The following NT5DC1 variants were observed in gnomAD, a reference collection of about 807,000 sequenced individuals.
The protein encoded by NT5DC1 is 5'-nucleotidase domain-containing protein 1.
A neutral mutation model predicts 59.4 loss-of-function variants in NT5DC1; 42 were observed. That is an observed-to-expected ratio of 0.71 (90% CI 0.55 to 0.92). NT5DC1 has a LOEUF of 0.92. NT5DC1 is among the 40% of genes least tolerant of loss of function. The pLI, the probability that NT5DC1 is intolerant of heterozygous loss-of-function variation, is 0.00. For missense variants in NT5DC1, 501 were observed against 537.1 expected (o/e 0.93, Z 0.66); for synonymous variants, 172 against 188.1 (o/e 0.91, Z 0.70).
intron 6 of NT5DC1, among the ~76,000 whole-genome samples, chr6:116,189,910 C>A (rs2114489753): frequency 6.6e-6 from 1 of 151,956 alleles, no homozygotes; most frequent in East Asian, 1.9e-4. Flanking sequence ...ATGTTTTTGC[C>A]TTTTAAGATT....
At chr6:116,104,301 GA>G (rs1274266139) in intron 1 of NT5DC1, among the ~76,000 whole-genome samples, 3 of 152,292 alleles carry the variant, frequency 2.0e-5, no homozygotes, top group Admixed American at 2.0e-4. Context: ...ACAAGGTAAG[GA>G]ACACAGCTGT....
At chr6:116,115,418 CTT>C (rs983627379) in intron 4 of NT5DC1, among the ~76,000 whole-genome samples, 2 of 152,172 alleles carry the variant, frequency 1.3e-5, no homozygotes, top group African/African-American at 4.8e-5. Context: ...TGCATATACT[CTT>C]TTTAGTTTTT....
chr6:116,179,448 A>G (rs926520945), intron 6 of NT5DC1, among the ~76,000 whole-genome samples: 1 of 152,152 alleles, frequency 6.6e-6, no homozygotes, highest in Admixed American at 6.6e-5. Context: ...AGCAGAAAAA[A>G]AACAATCCTA....
At chr6:116,199,024 A>G (rs73566419) in intron 6 of NT5DC1, among the ~76,000 whole-genome samples, 15,337 of 152,038 alleles carry the variant, frequency 0.1, 1,288 homozygotes, top group African/African-American at 0.23. Context: ...TCTGTGCATT[A>G]TATAATGTTT....
At chr6:116,191,216 C>T (rs1327072339) in intron 6 of NT5DC1, among the ~76,000 whole-genome samples, 1 of 152,038 alleles carries the variant, frequency 6.6e-6, no homozygotes, top group East Asian at 1.9e-4. Context: ...ACAACTCCTA[C>T]CCTTCCTTTG....
chr6:116,136,316 G>A (rs1356998365), intron 6 of NT5DC1, among the ~76,000 whole-genome samples: 1 of 151,950 alleles, frequency 6.6e-6, no homozygotes, highest in Non-Finnish European at 1.5e-5. Flanking sequence ...GTGTATGTAT[G>A]TAATATGCAC....
intron 6 of NT5DC1, among the ~76,000 whole-genome samples, chr6:116,211,071 C>CT (rs1407941306): frequency 6.6e-6 from 1 of 152,022 alleles, no homozygotes; most frequent in Non-Finnish European, 1.5e-5. Flanking sequence ...GCAGCTTTTG[C>CT]TTGTCTTAAA....
chr6:116,135,862 T>TATAG (rs1233911580), intron 6 of NT5DC1, among the ~76,000 whole-genome samples: 2 of 106,138 alleles, frequency 1.9e-5, no homozygotes, highest in Admixed American at 1.2e-4. Flanking sequence ...TATATATATA[T>TATAG]ATATATATAT....
chr6:116,110,728 A>G, intron 3 of NT5DC1, 122 bp from the exon 4 acceptor site: 1 of 785,050 alleles, frequency 1.3e-6, no homozygotes, highest in Non-Finnish European at 2.2e-6. Context: ...CCAGTTGAAA[A>G]CAGAAAAAAT....
chr6:116,101,004 A>G lies in NT5DC1; in HGVS notation c.74A>G (p.Asn25Ser). 1 of 1,600,292 alleles carries G rather than the reference A, an allele frequency of 6.2e-7. No homozygotes were observed. The highest frequency in any genetic ancestry group is 8.5e-7 in the Non-Finnish European group (1 of 1,174,962). ...CTGGACCACACTCTGTGTCGCTACA[A>G]CCTGCCCGAGAGCGCCCCGGTGAGT... ...FDLDHTLCRY[N>S]LPESAPLIYN... The change falls in exon 1 of 12, where the codon AAC (asparagine) becomes AGC (serine). Residue 25 changes from asparagine to serine, a missense_variant. By Grantham distance (46) the Asn-to-Ser change is conservative. Coordinates refer to ENST00000319550, the MANE Select transcript of NT5DC1 (RefSeq NM_152729.3).
chr6:116,179,507 T>C lies in NT5DC1; in HGVS notation c.530-41547T>C, dbSNP rs143386090. On this transcript the variant is annotated intron_variant, in intron 6 of 11. Transcript: ENST00000319550. ...AATAGACAATTCTCTAAAGAAGATA[T>C]GCAAATGCCCAACAAACATATGACA... 9.3e-3 allele frequency among the ~76,000 whole-genome samples: 1,411 copies of C among 152,194 alleles called. 20 individuals carry two copies. The highest frequency in any genetic ancestry group is 0.033 in the African/African-American group (1,351 of 41,550).
At chr6:116,176,458 C>T (rs1228204995) in intron 6 of NT5DC1, among the ~76,000 whole-genome samples, 1 of 152,164 alleles carries the variant, frequency 6.6e-6, no homozygotes, top group African/African-American at 2.4e-5. Flanking sequence ...TTCTGCTTTA[C>T]TGGTTCTCCT....
intron 6 of NT5DC1, among the ~76,000 whole-genome samples, chr6:116,153,411 T>A (rs1780101280): frequency 6.6e-6 from 1 of 152,176 alleles, no homozygotes; most frequent in Admixed American, 6.5e-5. Flanking sequence ...GATGATACAT[T>A]CAGTTATCTT....
At chr6:116,150,118 T>C (rs968592800) in intron 6 of NT5DC1, among the ~76,000 whole-genome samples, 1 of 152,126 alleles carries the variant, frequency 6.6e-6, no homozygotes, top group South Asian at 2.1e-4. Context: ...GTCGAGTCTT[T>C]GACAAGGGCA....
chr6:116,219,485 G>T (rs72953951), intron 6 of NT5DC1, among the ~76,000 whole-genome samples: 1 of 152,214 alleles, frequency 6.6e-6, no homozygotes, highest in Non-Finnish European at 1.5e-5. Flanking sequence ...ACTGTGATAG[G>T]TGTAGACTGA....
At chr6:116,140,473 T>A (rs1420241810) in intron 6 of NT5DC1, among the ~76,000 whole-genome samples, 1 of 152,174 alleles carries the variant, frequency 6.6e-6, no homozygotes, top group Non-Finnish European at 1.5e-5. Flanking sequence ...GTATATATCA[T>A]TCTTTTATGC....
At chr6:116,147,717 C>T (rs1042959126) in intron 6 of NT5DC1, among the ~76,000 whole-genome samples, 4 of 151,984 alleles carry the variant, frequency 2.6e-5, no homozygotes, top group African/African-American at 9.7e-5. Context: ...GCACATTCAC[C>T]CAAGAATTAT....
chr6:116,187,652 A>G (rs1420937602), intron 6 of NT5DC1, among the ~76,000 whole-genome samples: 1 of 152,090 alleles, frequency 6.6e-6, no homozygotes, highest in Non-Finnish European at 1.5e-5. Flanking sequence ...AGAGTTGGAA[A>G]TCTATGTAGA....
At chr6:116,141,885 A>AACACAC (rs3051942) in intron 6 of NT5DC1, among the ~76,000 whole-genome samples, 3,922 of 140,372 alleles carry the variant, frequency 0.028, 191 homozygotes, top group African/African-American at 0.088. Context: ...CCAAAAAGAA[A>AACACAC]ACACACACAC....
Sources: gnomAD v4.1 joint callset for allele counts (sites outside exome capture counted in the v4.1 genomes callset) on GRCh38, gnomAD v4.1.1 for gene constraint, MANE v1.5 for transcripts, NCBI Gene and HGNC (gene_info 2026-07-23, HGNC 2026-07-21) for gene names.